Variants in BBS9 observed in about 807,000 individuals in gnomAD.
The protein encoded by BBS9 is Bardet-Biedl syndrome 9, also known as protein PTHB1.
In BBS9, 89 loss-of-function variants were observed where a neutral mutation model predicts 117.7. That is an observed-to-expected ratio of 0.76 (90% CI 0.64 to 0.90). The LOEUF is 0.90. BBS9 is among the 40% of genes least tolerant of loss of function. BBS9 has a pLI of 0.00. For missense variants in BBS9, 982 were observed against 1,042.2 expected (o/e 0.94, Z 0.80); for synonymous variants, 379 against 370.9 (o/e 1.02, Z -0.25).
intron 15 of BBS9, among the ~76,000 whole-genome samples, chr7:33,357,460 T>C (rs1443828335): frequency 2.6e-5 from 4 of 151,752 alleles, no homozygotes; most frequent in Non-Finnish European, 5.9e-5. Flanking sequence ...AAAGATATGA[T>C]AGAAACTTCA....
chr7:33,575,125 T>A lies in BBS9; in HGVS notation c.2522-29740T>A, dbSNP rs77912559. Among the ~76,000 whole-genome samples, 78 of 152,162 alleles carry A rather than the reference T, an allele frequency of 5.1e-4. 1 individual carries two copies. In the East Asian group the frequency reaches 0.013, roughly 26 times the overall value. ...GGTAAGTATTTGTCTTTTAAAAGTA[T>A]GAAATGATTTAAAAAAAGATATTCC... is the stretch of plus-strand genomic sequence containing the variant. On this transcript the variant is annotated intron_variant, in intron 21 of 22. Transcript: ENST00000242067.
chr7:33,412,184 A>G (rs889680964), intron 19 of BBS9, among the ~76,000 whole-genome samples: 2 of 152,194 alleles, frequency 1.3e-5, no homozygotes, highest in Non-Finnish European at 2.9e-5. Context: ...CCATGCTTCT[A>G]TGTCATTTTT....
intron 21 of BBS9, among the ~76,000 whole-genome samples, chr7:33,582,307 G>C (rs1860093035): frequency 6.6e-6 from 1 of 152,052 alleles, no homozygotes; most frequent in African/African-American, 2.4e-5. Flanking sequence ...GGCACAGTGT[G>C]AGGAGGCTCG....
intron 21 of BBS9, among the ~76,000 whole-genome samples, chr7:33,539,498 T>C (rs1199992073): frequency 6.6e-6 from 1 of 152,076 alleles, no homozygotes; most frequent in Non-Finnish European, 1.5e-5. Context: ...AAAGAAAGAG[T>C]GTGTAACATT....
intron 20 of BBS9, among the ~76,000 whole-genome samples, chr7:33,525,472 T>G (rs1258372980): frequency 3.0e-5 from 3 of 99,058 alleles, no homozygotes; most frequent in Non-Finnish European, 5.8e-5. Context: ...TTAGCTCTTC[T>G]TGTTGAATTG....
chr7:33,160,604 A>C (rs984894931), intron 4 of BBS9, among the ~76,000 whole-genome samples: 1 of 152,164 alleles, frequency 6.6e-6, no homozygotes, highest in Non-Finnish European at 1.5e-5. Flanking sequence ...TGTCTATATC[A>C]TGGATACCAT....
chr7:33,273,356 G>A (rs1800173023), intron 8 of BBS9, among the ~76,000 whole-genome samples, 161 bp downstream of exon 8: 1 of 152,144 alleles, frequency 6.6e-6, no homozygotes, highest in Non-Finnish European at 1.5e-5. Context: ...ATGGAAGTTT[G>A]ATATAAAGCA....
chr7:33,187,734 C>T (rs1293498667), intron 5 of BBS9, among the ~76,000 whole-genome samples: 8 of 152,016 alleles, frequency 5.3e-5, no homozygotes, highest in East Asian at 1.9e-4. Flanking sequence ...GCCTGGCCAA[C>T]GTGGTAAAAC....
At chr7:33,468,360 A>G (rs1458567942) in intron 19 of BBS9, among the ~76,000 whole-genome samples, 2 of 152,156 alleles carry the variant, frequency 1.3e-5, no homozygotes, top group Admixed American at 6.6e-5. Context: ...TGAGTCCTTC[A>G]TTTCTGATCT....
chr7:33,475,232 A>AAATT (rs1231220729), intron 19 of BBS9, among the ~76,000 whole-genome samples: 1 of 152,252 alleles, frequency 6.6e-6, no homozygotes, highest in African/African-American at 2.4e-5. Flanking sequence ...ATAAATAAAT[A>AAATT]AATGGATGTG....
At chr7:33,175,830 T>C (rs1797263581) in intron 4 of BBS9, among the ~76,000 whole-genome samples, 1 of 152,188 alleles carries the variant, frequency 6.6e-6, no homozygotes, top group South Asian at 2.1e-4. Flanking sequence ...AACATATGCA[T>C]TGCTCATGTA....
intron 9 of BBS9, among the ~76,000 whole-genome samples, chr7:33,306,243 G>T (rs1477489929): frequency 6.6e-6 from 1 of 151,838 alleles, no homozygotes; most frequent in East Asian, 1.9e-4. Context: ...TTTATTCCAT[G>T]TGGTCAGAGA....
intron 12 of BBS9, among the ~76,000 whole-genome samples, chr7:33,347,742 A>G (rs916492616): frequency 1.3e-5 from 2 of 151,454 alleles, no homozygotes; most frequent in Admixed American, 6.6e-5. Context: ...TAAAAATATT[A>G]TATATATTTA....
At chr7:33,513,030 G>T (rs554153317) in intron 20 of BBS9, among the ~76,000 whole-genome samples, 1 of 152,174 alleles carries the variant, frequency 6.6e-6, no homozygotes, top group South Asian at 2.1e-4. Context: ...GGCTCTTTTG[G>T]CCCCTGTTCA....
chr7:33,304,771 C>T (rs1807518620), intron 9 of BBS9, among the ~76,000 whole-genome samples: 1 of 152,082 alleles, frequency 6.6e-6, no homozygotes. Flanking sequence ...ATAGGAGACT[C>T]CATTTTGTTC....
At chr7:33,240,313 A>G (rs537238821) in intron 5 of BBS9, among the ~76,000 whole-genome samples, 32 of 149,742 alleles carry the variant, frequency 2.1e-4, no homozygotes, top group Non-Finnish European at 4.3e-4. Context: ...AGTGGAGTGC[A>G]GTGCCATGAT....
At chr7:33,155,583 TG>T (rs1399766773) in intron 3 of BBS9, 54 bp from the exon 4 acceptor site, 33 of 1,179,480 alleles carry the variant, frequency 2.8e-5, no homozygotes, top group Non-Finnish European at 4.2e-5. Context: ...TACAACTTTT[TG>T]GTTACGTCTA....
rs1236995273 is a variant in BBS9 at position 33,269,584 on chromosome 7, A to G, written c.703-3428A>G. 3.3e-5 allele frequency among the ~76,000 whole-genome samples: 5 copies of G among 152,142 alleles called. No individual in the cohort carries two copies. The East Asian group carries it at 9.7e-4, about 29-fold the overall frequency. On this transcript the variant is annotated intron_variant, in intron 7 of 22. Transcript: ENST00000242067. ...GGCAGAGTGCAGCCTGGGAGTGCCA[A>G]GCTGTGATTTACAGCCAGCACAGAA... is the stretch of plus-strand genomic sequence containing the variant.
chr7:33,529,601 T>C (rs924938303), intron 20 of BBS9, among the ~76,000 whole-genome samples: 6 of 151,888 alleles, frequency 4.0e-5, no homozygotes, highest in African/African-American at 1.2e-4. Flanking sequence ...TCCCTTCCCT[T>C]CCCTCCCCTC....
Sources: gnomAD v4.1 joint callset for allele counts (sites outside exome capture counted in the v4.1 genomes callset) on GRCh38, gnomAD v4.1.1 for gene constraint, MANE v1.5 for transcripts, NCBI Gene and HGNC (gene_info 2026-07-23, HGNC 2026-07-21) for gene names.